The following ACTR3C variants were observed in gnomAD, a reference collection of about 807,000 sequenced individuals.
The protein encoded by ACTR3C is actin-related protein 3C.
Under a neutral mutation model 26.3 loss-of-function variants are expected in ACTR3C, and 18 were observed. The observed-to-expected ratio is 0.68, with a 90% CI of 0.47 to 1.01. The LOEUF is 1.01. ACTR3C is among the 50% of genes least tolerant of loss of function. ACTR3C has a pLI of 0.00. For synonymous variants in ACTR3C, 55 were observed against 94.5 expected (o/e 0.58, Z 2.42); for missense variants, 184 against 250.7 (o/e 0.73, Z 1.80).
chr7:150,241,443 C>G, downstream of ACTR3C, among the ~76,000 whole-genome samples: 1 of 152,114 alleles, frequency 6.6e-6, no homozygotes, highest in Non-Finnish European at 1.5e-5. Context: ...TTTGCTGGGA[C>G]AACTCGATAT....
chr7:149,952,170 T>C, the ACTR3C span, among the ~76,000 whole-genome samples: 25 of 151,376 alleles, frequency 1.7e-4, no homozygotes, highest in East Asian at 4.6e-3. Flanking sequence ...AAACGCCTTA[T>C]CTTCAAATAC....
the ACTR3C span, among the ~76,000 whole-genome samples, chr7:150,035,907 C>T: frequency 4.2e-3 from 436 of 103,354 alleles, 15 homozygotes; most frequent in Middle Eastern, 0.046. Flanking sequence ...CAGTCCCCAC[C>T]CTCGCGGGGG....
chr7:150,163,204 G>T, the ACTR3C span, among the ~76,000 whole-genome samples: 2 of 151,936 alleles, frequency 1.3e-5, no homozygotes, highest in Admixed American at 6.6e-5. Flanking sequence ...TCAGATAGAG[G>T]GTGGACAGGG....
the ACTR3C span, among the ~76,000 whole-genome samples, chr7:150,135,879 AAAG>A: frequency 1.3e-5 from 2 of 152,096 alleles, no homozygotes; most frequent in Non-Finnish European, 2.9e-5. Context: ...AAGGAAAAGA[AAAG>A]AAAAGAAAAG....
At chr7:150,240,790 G>A (rs1450632805), downstream of ACTR3C, among the ~76,000 whole-genome samples, 2 of 152,246 alleles carry the variant, frequency 1.3e-5, no homozygotes, top group African/African-American at 4.8e-5. Flanking sequence ...GTTATTTGCA[G>A]AAGATATGAC....
the ACTR3C span, among the ~76,000 whole-genome samples, chr7:149,977,934 AGGGAAGAAG>A: frequency 1.3e-5 from 2 of 151,346 alleles, no homozygotes; most frequent in African/African-American, 4.9e-5. Flanking sequence ...CAGAGGTAAT[AGGGAAGAAG>A]AAACAGTGTA....
chr7:149,962,110 A>G, the ACTR3C span, among the ~76,000 whole-genome samples: 2 of 152,202 alleles, frequency 1.3e-5, no homozygotes, highest in Non-Finnish European at 2.9e-5. Flanking sequence ...GTAAGCTCAC[A>G]GGAAGTGTAT....
chr7:150,271,839 G>A (rs537627006), intron 6 of ACTR3C, among the ~76,000 whole-genome samples: 2 of 148,614 alleles, frequency 1.3e-5, no homozygotes, highest in African/African-American at 5.2e-5. Flanking sequence ...AAGTGTTACA[G>A]TAACTGAAAC....
At chr7:150,006,397 CT>C in the ACTR3C span, among the ~76,000 whole-genome samples, 4 of 147,790 alleles carry the variant, frequency 2.7e-5, no homozygotes, top group Admixed American at 6.8e-5. Flanking sequence ...CGGGGTTTCA[CT>C]GTGTTAGCCA....
the ACTR3C span, among the ~76,000 whole-genome samples, chr7:150,041,872 G>C: frequency 8.3e-6 from 1 of 119,940 alleles, no homozygotes; most frequent in Non-Finnish European, 1.8e-5. Context: ...ACTCTCGTGA[G>C]GGTTGCCTCC....
chr7:149,994,857 T>C, the ACTR3C span, among the ~76,000 whole-genome samples: 2 of 149,016 alleles, frequency 1.3e-5, no homozygotes, highest in African/African-American at 4.9e-5. Flanking sequence ...TTTTTTTTTT[T>C]TTTTTTTGAG....
chr7:150,201,633 C>G, the ACTR3C span, among the ~76,000 whole-genome samples: 5 of 151,602 alleles, frequency 3.3e-5, no homozygotes, highest in Non-Finnish European at 7.4e-5. Context: ...TGGTAGGCAC[C>G]TGTAATCCCA....
the ACTR3C span, among the ~76,000 whole-genome samples, chr7:149,931,380 G>T: frequency 2.0e-5 from 3 of 152,136 alleles, no homozygotes; most frequent in Non-Finnish European, 4.4e-5. Flanking sequence ...CAGTGCTCCC[G>T]CAATGCTCCC....
At chr7:149,960,136 G>C in the ACTR3C span, among the ~76,000 whole-genome samples, 1 of 151,918 alleles carries the variant, frequency 6.6e-6, no homozygotes, top group Non-Finnish European at 1.5e-5. Flanking sequence ...GGGTCTCAAG[G>C]TTCTATTATT....
chr7:149,984,649 G>A, the ACTR3C span, among the ~76,000 whole-genome samples: 1 of 151,746 alleles, frequency 6.6e-6, no homozygotes, highest in Admixed American at 6.6e-5. Context: ...GGTGTGTGAT[G>A]GGAATTGTAA....
the ACTR3C span, among the ~76,000 whole-genome samples, chr7:150,003,743 T>TACAGTGTGGTGTATGGTGTAC: frequency 6.6e-6 from 1 of 152,204 alleles, no homozygotes; most frequent in African/African-American, 2.4e-5. Flanking sequence ...GTGTGGTGTG[T>TACAGTGTGGTGTATGGTGTAC]ACAGTGTGGT....
intron 4 of ACTR3C, among the ~76,000 whole-genome samples, chr7:150,286,782 C>T (rs544748675): frequency 6.5e-4 from 99 of 151,416 alleles, no homozygotes; most frequent in African/African-American, 2.1e-3. Context: ...TAATCTCAGC[C>T]TTGGTCTATC....
At position 150,274,269 on chromosome 7, in the gene ACTR3C, C is replaced by A. The variant is rs191255180; in HGVS notation, c.564+10484G>T. On this transcript the variant is annotated intron_variant, in intron 6 of 7. Transcript: ENST00000683684. The surrounding 1 kb of genome is among the most constrained non-coding windows in gnomAD (Gnocchi z 4.1). Reference sequence around the variant, plus strand: ...GTTACCAACTGAAGGTTTGAGGAAACGGCACCAAGCAGGTCTGTCAGCGCC... The same window carrying A: ...GTTACCAACTGAAGGTTTGAGGAAAAGGCACCAAGCAGGTCTGTCAGCGCC... 2.7e-3 allele frequency among the ~76,000 whole-genome samples: 417 copies of A among 152,234 alleles called. 4 individuals are homozygous for A. Among genetic ancestry groups the A allele is most frequent in the African/African-American group, 9.5e-3 (396 of 41,536 alleles).
chr7:150,069,254 A>G, the ACTR3C span, among the ~76,000 whole-genome samples: 1 of 152,164 alleles, frequency 6.6e-6, no homozygotes, highest in African/African-American at 2.4e-5. Context: ...TGAGACTTTA[A>G]TAAAAATAAT....
Sources: gnomAD v4.1 joint callset for allele counts (sites outside exome capture counted in the v4.1 genomes callset) on GRCh38, gnomAD v4.1.1 for gene constraint, Gnocchi (gnomAD v3.1) non-coding constraint, MANE v1.5 for transcripts, NCBI Gene and HGNC (gene_info 2026-07-23, HGNC 2026-07-21) for gene names.